DIS3L2: variants seen among roughly 807,000 people sequenced by gnomAD.
The protein encoded by DIS3L2 is DIS3 like 3'-5' exoribonuclease 2, also known as DIS3-like exonuclease 2.
DIS3L2 carries 34 observed loss-of-function variants against 97.5 expected under a neutral mutation model. The observed-to-expected ratio is 0.35, with a 90% CI of 0.27 to 0.46. The LOEUF is 0.46. Among genes scored for constraint, DIS3L2 ranks in the 20% least tolerant of loss-of-function variants. The pLI, the probability that DIS3L2 is intolerant of heterozygous loss-of-function variation, is 1.00. For synonymous variants in DIS3L2, 435 were observed against 445.2 expected (o/e 0.98, Z 0.29); for missense variants, 1,038 against 1,146.0 (o/e 0.91, Z 1.36).
intron 13 of DIS3L2, chr2:232,343,081 A>G (rs996047714): frequency 4.6e-6 from 2 of 432,452 alleles, no homozygotes; most frequent in Non-Finnish European, 8.5e-6. Flanking sequence ...TGTCCCCTCC[A>G]TGTTCCCCGG....
At position 232,130,706 on chromosome 2, in the gene DIS3L2, A is replaced by G. The variant is rs2106350169; in HGVS notation, c.689A>G (p.Gln230Arg). 6.2e-7 allele frequency: 1 copy of G among 1,613,988 alleles called. No individual in the cohort carries two copies. Among genetic ancestry groups the G allele is most frequent in the Non-Finnish European group, 8.5e-7 (1 of 1,179,928 alleles). ...AGAGCTTTATCGGAGAAATCCCTGC[A>G]AAGATCAGCAAAGGTCATTGCCTAC... ...DTRALSEKSLQRSAKVVYILE... is the reference protein window; with the variant it reads ...DTRALSEKSLRRSAKVVYILE... The change falls in exon 7 of 21, where the codon CAA becomes CGA. Residue 230 changes from glutamine (Q) to arginine (R), a missense_variant. By Grantham distance (43) the Gln-to-Arg change is conservative. Coordinates refer to ENST00000325385, the MANE Select transcript of DIS3L2 (RefSeq NM_152383.5).
chr2:231,966,881 A>G (rs1180727659), intron 1 of DIS3L2, among the ~76,000 whole-genome samples: 1 of 151,986 alleles, frequency 6.6e-6, no homozygotes, highest in Non-Finnish European at 1.5e-5. Flanking sequence ...AAGTAGAAGG[A>G]TTTGAAGGGT....
chr2:232,301,408 G>C (rs1254309649), intron 14 of DIS3L2, among the ~76,000 whole-genome samples: 1 of 152,198 alleles, frequency 6.6e-6, no homozygotes, highest in African/African-American at 2.4e-5. Context: ...ATTTTATTCA[G>C]TGGAAGGAAA....
intron 6 of DIS3L2, among the ~76,000 whole-genome samples, chr2:232,102,848 A>G (rs1697245596): frequency 6.6e-6 from 1 of 152,176 alleles, no homozygotes; most frequent in African/African-American, 2.4e-5. Flanking sequence ...ATTCAATACA[A>G]ATATAGTCAG....
intron 13 of DIS3L2, among the ~76,000 whole-genome samples, chr2:232,291,981 T>G (rs1694612563): frequency 6.6e-6 from 1 of 152,208 alleles, no homozygotes; most frequent in South Asian, 2.1e-4. Flanking sequence ...TAGTGCCTAG[T>G]GGCCCTTGCA....
chr2:232,200,994 C>T (rs772600442), intron 9 of DIS3L2, among the ~76,000 whole-genome samples: 3 of 152,168 alleles, frequency 2.0e-5, no homozygotes, highest in Non-Finnish European at 4.4e-5. Context: ...AGGCTGGCCT[C>T]GAACTTCTGA....
intron 8 of DIS3L2, among the ~76,000 whole-genome samples, chr2:232,140,691 A>T (rs1047730299): frequency 3.3e-5 from 5 of 152,212 alleles, no homozygotes; most frequent in African/African-American, 1.2e-4. Flanking sequence ...TAGGACATGG[A>T]GCTTGGCCTC....
chr2:232,192,782 A>G (rs1404989635), intron 9 of DIS3L2, among the ~76,000 whole-genome samples: 1 of 152,246 alleles, frequency 6.6e-6, no homozygotes, highest in African/African-American at 2.4e-5. Context: ...GCATTAATTA[A>G]GACTTTTTTG....
intron 1 of DIS3L2, among the ~76,000 whole-genome samples, chr2:231,983,434 A>G (rs1268095325): frequency 2.6e-5 from 4 of 152,128 alleles, no homozygotes; most frequent in Non-Finnish European, 5.9e-5. Context: ...GCCTGTTAGG[A>G]ACTGGGCCAC....
intron 6 of DIS3L2, among the ~76,000 whole-genome samples, chr2:232,099,746 C>T (rs1005637671): frequency 6.6e-6 from 1 of 152,160 alleles, no homozygotes; most frequent in Non-Finnish European, 1.5e-5. Context: ...CTGTTTTAAT[C>T]CCTATTATAC....
At chr2:231,992,639 C>T (rs1365641454) in intron 1 of DIS3L2, among the ~76,000 whole-genome samples, 4 of 152,172 alleles carry the variant, frequency 2.6e-5, no homozygotes, top group African/African-American at 9.6e-5. Flanking sequence ...CCCCCTTGCA[C>T]CTCTCACTGA....
chr2:232,138,080 G>A (rs972842270), intron 8 of DIS3L2, among the ~76,000 whole-genome samples: 1 of 152,156 alleles, frequency 6.6e-6, no homozygotes, highest in African/African-American at 2.4e-5. Context: ...CCCATTGTGT[G>A]TACTTGATTG....
intron 13 of DIS3L2, among the ~76,000 whole-genome samples, chr2:232,282,508 G>A (rs537906713): frequency 1.3e-4 from 20 of 152,324 alleles, no homozygotes; most frequent in East Asian, 1.9e-4. Flanking sequence ...GCTCAAAGTC[G>A]AGTGCTCTTT....
intron 5 of DIS3L2, among the ~76,000 whole-genome samples, chr2:232,045,969 A>G (rs1047622770): frequency 1.3e-5 from 2 of 151,884 alleles, no homozygotes; most frequent in African/African-American, 2.4e-5. Flanking sequence ...GCCACCGCGC[A>G]TGGCCATTCA....
At chr2:232,018,569 A>C (rs2106225671) in intron 3 of DIS3L2, among the ~76,000 whole-genome samples, 1 of 152,302 alleles carries the variant, frequency 6.6e-6, no homozygotes, top group Admixed American at 6.5e-5. Context: ...GGATGTTTTA[A>C]TGCTGATGGA....
intron 1 of DIS3L2, among the ~76,000 whole-genome samples, chr2:232,002,654 G>A (rs551145621): frequency 6.6e-6 from 1 of 152,052 alleles, no homozygotes; most frequent in Non-Finnish European, 1.5e-5. Flanking sequence ...TTTTTGAGAT[G>A]TGAAACATCA....
At chr2:231,979,998 C>G (rs1299402748) in intron 1 of DIS3L2, among the ~76,000 whole-genome samples, 1 of 152,168 alleles carries the variant, frequency 6.6e-6, no homozygotes, top group Non-Finnish European at 1.5e-5. Flanking sequence ...TCCCTAAGGT[C>G]TGTTTCTAGA....
At chr2:232,251,793 G>A (rs1289206923) in intron 12 of DIS3L2, among the ~76,000 whole-genome samples, 1 of 152,174 alleles carries the variant, frequency 6.6e-6, no homozygotes, top group Non-Finnish European at 1.5e-5. Context: ...GAAGAACTGT[G>A]ATCTCCATGC....
chr2:232,334,687 C>A lies in DIS3L2; in HGVS notation c.2346C>A (p.Phe782Leu), dbSNP rs375456340. 1 of 1,610,820 alleles carries A rather than the reference C, an allele frequency of 6.2e-7. No homozygotes were observed. The highest frequency in any genetic ancestry group is 2.2e-5 in the East Asian group (1 of 44,692). The change falls in exon 19 of 21, where the codon TTC becomes TTA. Residue 782 changes from phenylalanine (F) to leucine (L), a missense_variant. By Grantham distance (22) the Phe-to-Leu change is conservative. Transcript: ENST00000325385. ...AMVMGILKQA[F>L]DVLVLRYGVQ... ...TGATGGGCATCCTGAAGCAAGCCTT[C>A]GACGTGCTGGTGCTGCGCTACGGCG...
Sources: allele counts gnomAD v4.1 joint callset (sites outside exome capture counted in the v4.1 genomes callset), GRCh38; gene constraint gnomAD v4.1.1; transcripts MANE v1.5; gene names NCBI Gene and HGNC (gene_info 2026-07-23, HGNC 2026-07-21).